GCNT2: variants seen among roughly 807,000 people sequenced by gnomAD.
The protein encoded by GCNT2 is N-acetyllactosaminide beta-1,6-N-acetylglucosaminyl-transferase.
Under a neutral mutation model 34.2 loss-of-function variants are expected in GCNT2, and 34 were observed. That is an observed-to-expected ratio of 1.00 (90% CI 0.76 to 1.32). The LOEUF (loss-of-function observed/expected upper bound fraction) is 1.32, where lower values mean the gene tolerates loss of function less well. GCNT2 is among the 40% of genes most tolerant of loss of function. The pLI is 0.00. For synonymous variants in GCNT2, 212 were observed against 188.0 expected (o/e 1.13, Z -1.04); for missense variants, 584 against 489.4 (o/e 1.19, Z -1.82).
chr6:10,553,545 A>G, intron 3 of GCNT2, among the ~76,000 whole-genome samples: 1 of 152,232 alleles, frequency 6.6e-6, no homozygotes, highest in East Asian at 1.9e-4. Flanking sequence ...TTTCAAAGAA[A>G]GGATACTCTC....
chr6:10,525,101 T>C (rs1299826494), intron 1 of GCNT2, among the ~76,000 whole-genome samples: 1 of 152,172 alleles, frequency 6.6e-6, no homozygotes, highest in Non-Finnish European at 1.5e-5. Flanking sequence ...TTCTTGTCTG[T>C]AGAAAGGAAC....
chr6:10,539,147 G>GAT (rs1761918430), intron 3 of GCNT2, among the ~76,000 whole-genome samples: 1 of 143,016 alleles, frequency 7.0e-6, no homozygotes, highest in Non-Finnish European at 1.5e-5. Flanking sequence ...AAACAGGCCT[G>GAT]AGTTTAAAGC....
intron 3 of GCNT2, among the ~76,000 whole-genome samples, chr6:10,560,071 C>T (rs1240550454): frequency 6.6e-6 from 1 of 152,186 alleles, no homozygotes; most frequent in Non-Finnish European, 1.5e-5. Context: ...TATAACCACA[C>T]AGCCGTTAAT....
chr6:10,539,628 A>G (rs989393977), intron 3 of GCNT2, among the ~76,000 whole-genome samples: 2 of 133,968 alleles, frequency 1.5e-5, no homozygotes, highest in Non-Finnish European at 3.3e-5. Flanking sequence ...CATCATAGAA[A>G]CTCATTAAAT....
At chr6:10,560,983 C>T (rs1235975670) in intron 3 of GCNT2, among the ~76,000 whole-genome samples, 1 of 152,126 alleles carries the variant, frequency 6.6e-6, no homozygotes, top group African/African-American at 2.4e-5. Flanking sequence ...AGGAAATTCT[C>T]CAGGACCACA....
At chr6:10,557,100 G>A (rs764139154) in intron 3 of GCNT2, 12 of 1,571,210 alleles carry the variant, frequency 7.6e-6, no homozygotes, top group South Asian at 7.3e-5. Context: ...GCAATTGGAC[G>A]GACTAAATAT....
intron 3 of GCNT2, among the ~76,000 whole-genome samples, chr6:10,552,337 C>G (rs1177323258): frequency 6.6e-6 from 1 of 151,988 alleles, no homozygotes. Flanking sequence ...ACCTGGCCAC[C>G]CAGAGCAGAA....
chr6:10,612,271 G>A (rs1472528011), intron 3 of GCNT2, among the ~76,000 whole-genome samples: 1 of 152,208 alleles, frequency 6.6e-6, no homozygotes, highest in East Asian at 1.9e-4. Flanking sequence ...ACAGGCGTGA[G>A]CCACCGCGCC....
intron 3 of GCNT2, among the ~76,000 whole-genome samples, chr6:10,546,424 C>G (rs1363201238): frequency 6.6e-6 from 1 of 152,048 alleles, no homozygotes; most frequent in Non-Finnish European, 1.5e-5. Flanking sequence ...TTTGGGAAGC[C>G]GAGGTGGGCG....
At chr6:10,586,210 G>T in intron 3 of GCNT2, 1 of 1,614,104 alleles carries the variant, frequency 6.2e-7, no homozygotes, top group Non-Finnish European at 8.5e-7. Flanking sequence ...AGTGTCCCTT[G>T]CAAGGATTAC....
chr6:10,617,198 C>T (rs1765810444), intron 3 of GCNT2, among the ~76,000 whole-genome samples: 1 of 152,190 alleles, frequency 6.6e-6, no homozygotes, highest in African/African-American at 2.4e-5. Context: ...GTGCTGAGCC[C>T]TGCCCCGCTG....
Position 10,585,032 on chromosome 6 carries a change from A to T in GCNT2, c.926-36319A>T, listed in dbSNP as rs866534675. Among the ~76,000 whole-genome samples the T allele has an allele frequency of 3.8e-4, 49 of 127,532 alleles. 1 individual carries two copies. Among genetic ancestry groups the T allele is most frequent in the Middle Eastern group, 3.9e-3 (1 of 254 alleles). The allele number at this position is 127,532 out of a possible 152,430, so 83.7% of individuals were successfully genotyped here. ...TTCTTTGTTCCCTCTTCCCATAGTC[A>T]GTGTGTGTGTGTGTGTGTGTGTGTG... On this transcript the variant is annotated intron_variant, in intron 3 of 4. Transcript: ENST00000495262.
At chr6:10,538,315 G>A (rs1440956224) in intron 3 of GCNT2, among the ~76,000 whole-genome samples, 2 of 148,102 alleles carry the variant, frequency 1.4e-5, no homozygotes, top group African/African-American at 2.5e-5. Context: ...GGCTGAGGCA[G>A]GAGAATCGCT....
rs143197962 is a variant in GCNT2 at position 10,605,946 on chromosome 6, C to T, written c.926-15405C>T. Among the ~76,000 whole-genome samples the T allele has an allele frequency of 4.0e-3, 608 of 152,306 alleles. 8 individuals are homozygous for T. The highest frequency in any genetic ancestry group is 0.027 in the East Asian group (140 of 5,174). ...CTGGCGTTCTCCCCAATGATCTCTC[C>T]TTCTCTGATGGGCTTGCCTCAGCTG... is the stretch of plus-strand genomic sequence containing the variant. On this transcript the variant is annotated intron_variant, in intron 3 of 4. Coordinates refer to ENST00000495262, the MANE Select transcript of GCNT2 (RefSeq NM_145649.5).
rs543232672 is a variant in GCNT2, at chr6:10,532,499, G to A, written c.925+2663G>A. Among the ~76,000 whole-genome samples the A allele has an allele frequency of 2.0e-4, 31 of 152,088 alleles. No homozygotes were observed. The East Asian group carries it at 3.3e-3, about 16-fold the overall frequency. On this transcript the variant is annotated intron_variant, in intron 3 of 4. Coordinates refer to ENST00000495262, the MANE Select transcript of GCNT2 (RefSeq NM_145649.5). The stretch of plus-strand genomic sequence containing the variant: ...GGCTGGAGTGCAGTGGCACAATCAC[G>A]GCTCACGGCCTCAACCTCCCAAAGT...
At chr6:10,562,685 AAAC>A (rs1763057649) in intron 3 of GCNT2, among the ~76,000 whole-genome samples, 1 of 151,378 alleles carries the variant, frequency 6.6e-6, no homozygotes, top group Non-Finnish European at 1.5e-5. Context: ...AAACAAAAAA[AAAC>A]CCACAAAAAC....
intron 3 of GCNT2, among the ~76,000 whole-genome samples, chr6:10,536,363 CTTTT>C (rs533801258): frequency 6.9e-6 from 1 of 145,608 alleles, no homozygotes; most frequent in Non-Finnish European, 1.5e-5. Flanking sequence ...TCAACTTCTT[CTTTT>C]TTTTTTTTGA....
chr6:10,546,228 G>C (rs1762258680), intron 3 of GCNT2, among the ~76,000 whole-genome samples: 1 of 152,192 alleles, frequency 6.6e-6, no homozygotes, highest in South Asian at 2.1e-4. Flanking sequence ...GCTGAGAGCA[G>C]CTTTGTCCAT....
chr6:10,528,634 C>T lies in GCNT2; in HGVS notation c.-278C>T. On this transcript the variant is annotated 5_prime_UTR_variant, in exon 3 of 5. Coordinates refer to ENST00000495262, the MANE Select transcript of GCNT2 (RefSeq NM_145649.5). ...GAGGACATCTGTTTTTGTGTAGACA[C>T]AGGTTGCAGGTTAGCAGGAGAACAG... 2.0e-6 allele frequency: 1 copy of T among 495,592 alleles called. No individual in the cohort carries two copies. 30.7% of individuals were successfully genotyped at this position (495,592 alleles called of 1,614,324 possible). A position where few individuals can be genotyped will look rare whatever the true frequency, so the allele number is the denominator to read the frequency against.
Sources: allele counts gnomAD v4.1 joint callset (sites outside exome capture counted in the v4.1 genomes callset), GRCh38; gene constraint gnomAD v4.1.1; transcripts MANE v1.5; gene names NCBI Gene and HGNC (gene_info 2026-07-23, HGNC 2026-07-21).